PCF11: variants seen among roughly 807,000 people sequenced by gnomAD.
The protein encoded by PCF11 is pre-mRNA cleavage complex 2 protein Pcf11.
A neutral mutation model predicts 166.1 loss-of-function variants in PCF11; 19 were observed. The observed-to-expected ratio is 0.11, with a 90% CI of 0.08 to 0.17. The LOEUF (loss-of-function observed/expected upper bound fraction) is 0.17. Ranked by LOEUF, PCF11 falls within the 10% of genes least tolerant of loss-of-function variation. PCF11 has a pLI of 1.00. For missense variants in PCF11, 1,565 were observed against 1,855.5 expected (o/e 0.84, Z 2.88); for synonymous variants, 663 against 644.1 (o/e 1.03, Z -0.44).
intron 15 of PCF11, chr11:83,184,379 T>G (rs1385562251): frequency 3.7e-6 from 1 of 272,176 alleles, no homozygotes; most frequent in Non-Finnish European, 6.9e-6. Context: ...TATGTATGAG[T>G]TTAACATCTA....
At chr11:83,164,171 A>G (rs1020670250) in intron 3 of PCF11, 36 bp from the exon 4 acceptor site, 3 of 1,490,742 alleles carry the variant, frequency 2.0e-6, no homozygotes, top group Non-Finnish European at 2.8e-6. Context: ...GTTTTAGCTG[A>G]TACGTTTTTC....
In PCF11 at chr11:83,177,055, T is replaced by C. The variant is rs1565160399; in HGVS notation, c.3758-30T>C. The C allele has an allele frequency of 2.1e-6, 3 of 1,422,090 alleles. No individual in the cohort carries two copies. The African/African-American group carries it at 4.5e-5, about 21-fold the overall frequency. The allele number at this position is 1,422,090 out of a possible 1,614,324, so 88.1% of individuals were successfully genotyped here. On this transcript the variant is annotated intron_variant, in intron 9 of 15. Coordinates refer to ENST00000298281, the Ensembl canonical transcript of PCF11. The stretch of plus-strand genomic sequence containing the variant: ...AGTTCTACATTCACTTCAAAAGTGG[T>C]TTTTTTTCTTTCTTTCTTTTTTTTG...
chr11:83,159,324 A>G lies in PCF11; in HGVS notation c.192+1693A>G, dbSNP rs147536035. Among the ~76,000 whole-genome samples the G allele has an allele frequency of 5.1e-3, 775 of 152,300 alleles. 6 individuals are homozygous for G. Among genetic ancestry groups the G allele is most frequent in the African/African-American group, 0.018 (738 of 41,562 alleles). ...TGCCTTGTTGAAGGCTTAACTTGAC[A>G]TTAAATGCCTTAAAGCACTTGTGTT... On this transcript the variant is annotated intron_variant, in intron 1 of 15. Coordinates refer to ENST00000298281, the Ensembl canonical transcript of PCF11.
rs373562543 is a variant in PCF11, at chr11:83,165,736, G to A, written c.839G>A (p.Arg280His). ...GTTCCTGTGCAATCTGAGAAAAGCCGTCCAGGACCATCCTTACAAATTCAG... is the reference window on the plus strand; with the variant it reads ...GTTCCTGTGCAATCTGAGAAAAGCCATCCAGGACCATCCTTACAAATTCAG... The change falls in exon 5 of 16, where the codon CGT becomes CAT. Residue 280 changes from arginine (R) to histidine (H), a missense_variant. Transcript: ENST00000298281. 4.4e-5 allele frequency: 71 copies of A among 1,613,502 alleles called. No homozygotes were observed. The highest frequency in any genetic ancestry group is 2.1e-4 in the African/African-American group (16 of 74,884).
intron 2 of PCF11, among the ~76,000 whole-genome samples, chr11:83,161,776 A>G (rs1316306098): frequency 6.6e-6 from 1 of 152,228 alleles, no homozygotes; most frequent in Non-Finnish European, 1.5e-5. Flanking sequence ...AATCGTCAAG[A>G]GTAATTAAAA....
In PCF11 at chr11:83,167,554, G is replaced by A; in HGVS notation, c.2092+49G>A. ...GATAGTCCTACAGAAGAAAATAAAG[G>A]TGGATTAAAAAAGAAACCTCTCTTA... On this transcript the variant is annotated intron_variant, in intron 7 of 15. Coordinates refer to ENST00000298281, the Ensembl canonical transcript of PCF11. The surrounding 1 kb of genome is among the most constrained non-coding windows in gnomAD (Gnocchi z 4.2). The A allele has an allele frequency of 1.9e-6, 3 of 1,581,088 alleles. No homozygotes were observed. Among genetic ancestry groups the A allele is most frequent in the Non-Finnish European group, 2.6e-6 (3 of 1,162,710 alleles).
chr11:83,170,090 G>C, intron 8 of PCF11, 95 bp downstream of exon 8: 1 of 1,072,904 alleles, frequency 9.3e-7, no homozygotes, highest in Non-Finnish European at 1.3e-6. Context: ...TTATTGTGTA[G>C]ATTGGAAAGA....
chr11:83,169,650 T>A, exon 8 of PCF11: 1 of 1,614,000 alleles, frequency 6.2e-7, no homozygotes, highest in Non-Finnish European at 8.5e-7. Flanking sequence ...CATCAAGGTT[T>A]GATATTCCTC....
chr11:83,167,807 T>G lies in PCF11; in HGVS notation c.2092+302T>G. 1 of 1,354,642 alleles carries G rather than the reference T, an allele frequency of 7.4e-7. No homozygotes were observed. Among genetic ancestry groups the G allele is most frequent in the South Asian group, 1.2e-5 (1 of 81,622 alleles). 83.9% of individuals were successfully genotyped at this position (1,354,642 alleles called of 1,614,324 possible). ...AACAATTTAGTGAAAGAGCAAGACGTCTTTCTCCTATATCTGGGAGTCGTA... is the reference window on the plus strand; with the variant it reads ...AACAATTTAGTGAAAGAGCAAGACGGCTTTCTCCTATATCTGGGAGTCGTA... On this transcript the variant is annotated intron_variant, in intron 7 of 15. Transcript: ENST00000298281. This position sits in a 1 kb window ranked among gnomAD's most constrained non-coding sequence, Gnocchi z 4.2.
exon 8 of PCF11, chr11:83,169,829 C>G (rs752792151): frequency 3.7e-6 from 6 of 1,613,510 alleles, no homozygotes; most frequent in Non-Finnish European, 5.1e-6. Context: ...CCTCAAGGAC[C>G]AAATTTTAAT....
exon 1 of PCF11, chr11:83,157,262 G>A (rs2135409507): frequency 3.3e-6 from 2 of 600,708 alleles, no homozygotes; most frequent in African/African-American, 3.7e-5. Context: ...CGAGACGGCG[G>A]CGTTTCATAC....
In PCF11 at chr11:83,167,021, A is replaced by G. The variant is rs1860488731; in HGVS notation, c.1818-104A>G. 1.1e-5 allele frequency: 10 copies of G among 896,534 alleles called. No individual in the cohort carries two copies. The highest frequency in any genetic ancestry group is 7.3e-5 in the Admixed American group (3 of 41,226). The allele number at this position is 896,534 out of a possible 1,614,324, so 55.5% of individuals were successfully genotyped here. On this transcript the variant is annotated intron_variant, in intron 5 of 15. Coordinates refer to ENST00000298281, the Ensembl canonical transcript of PCF11. This position sits in a 1 kb window ranked among gnomAD's most constrained non-coding sequence, Gnocchi z 4.2. ...TTATTTAATTACTTTTTGTGGTTAC[A>G]TATGCCCATTTTAACCATATCCTTT...
exon 5 of PCF11, chr11:83,166,221 C>G (rs1302595279): frequency 1.2e-6 from 2 of 1,613,360 alleles, no homozygotes; most frequent in African/African-American, 1.3e-5. Context: ...CGAACACAGA[C>G]TGGCTGGAAG....
rs1291413631 is a variant in PCF11, at chr11:83,165,594, T to C, written c.703-6T>C. On this transcript the variant is annotated splice_polypyrimidine_tract_variant and splice_region_variant and intron_variant, in intron 4 of 15. Coordinates refer to ENST00000298281, the Ensembl canonical transcript of PCF11. ...TGTTAACATGAACATTTATTTTGTGTTTTAGGCAGTTTCTCTTAGTGTTCA... is the reference window on the plus strand; with the variant it reads ...TGTTAACATGAACATTTATTTTGTGCTTTAGGCAGTTTCTCTTAGTGTTCA... 1 of 1,598,076 alleles carries C rather than the reference T, an allele frequency of 6.3e-7. No homozygotes were observed. The highest frequency in any genetic ancestry group is 8.5e-7 in the Non-Finnish European group (1 of 1,173,380).
chr11:83,178,502 T>TA (rs1304411471), intron 11 of PCF11, among the ~76,000 whole-genome samples: 3 of 150,916 alleles, frequency 2.0e-5, no homozygotes, highest in Admixed American at 6.6e-5. Flanking sequence ...CATTTACAAT[T>TA]AAAAAAAAAT....
intron 15 of PCF11, 105 bp from the exon 16 acceptor site, chr11:83,184,574 G>T (rs970106850): frequency 9.5e-6 from 7 of 735,122 alleles, no homozygotes; most frequent in Non-Finnish European, 1.6e-5. Flanking sequence ...GCATTTGGTT[G>T]TATGTGTGTT....
exon 4 of PCF11, chr11:83,164,298 A>G (rs1180109271): frequency 6.2e-7 from 1 of 1,613,728 alleles, no homozygotes; most frequent in Non-Finnish European, 8.5e-7. Context: ...AATCTTACAC[A>G]AGAACAACTA....
exon 16 of PCF11, chr11:83,184,974 T>C (rs968483264): frequency 1.3e-5 from 11 of 864,784 alleles, no homozygotes; most frequent in African/African-American, 3.5e-5. Context: ...TTTATGTATA[T>C]ATAGACATAT....
exon 5 of PCF11, chr11:83,166,623 A>G (rs1860471912): frequency 1.2e-6 from 2 of 1,613,660 alleles, no homozygotes; most frequent in Non-Finnish European, 1.7e-6. Context: ...GCATTCTACA[A>G]AGTCAGGCAC....
Sources: gnomAD v4.1 joint callset for allele counts (sites outside exome capture counted in the v4.1 genomes callset) on GRCh38, gnomAD v4.1.1 for gene constraint, Gnocchi (gnomAD v3.1) non-coding constraint, MANE v1.5 for transcripts, NCBI Gene and HGNC (gene_info 2026-07-23, HGNC 2026-07-21) for gene names.